The following SLC30A8 variants were observed in gnomAD, a reference collection of about 807,000 sequenced individuals.
SLC30A8 encodes the protein proton-coupled zinc antiporter SLC30A8.
In SLC30A8, 27 loss-of-function variants were observed where a neutral mutation model predicts 36.9. The observed-to-expected ratio is 0.73, with a 90% CI of 0.54 to 1.01. The LOEUF is 1.01. Ranked by LOEUF, SLC30A8 falls within the 50% of genes least tolerant of loss-of-function variation. The pLI, the probability that SLC30A8 is intolerant of heterozygous loss-of-function variation, is 0.00. For synonymous variants in SLC30A8, 164 were observed against 172.4 expected, an observed-to-expected ratio of 0.95 and a Z score of 0.38; for missense variants, 439 against 452.0, an observed-to-expected ratio of 0.97 and a Z score of 0.26.
chr8:117,105,024 T>G (rs1819920486), intron 2 of SLC30A8, among the ~76,000 whole-genome samples: 1 of 152,118 alleles, frequency 6.6e-6, no homozygotes, highest in Admixed American at 6.5e-5. Flanking sequence ...CAGAGGTCAC[T>G]TTTGTCACCA....
chr8:117,074,661 G>T (rs1818435168), intron 2 of SLC30A8, among the ~76,000 whole-genome samples: 1 of 152,090 alleles, frequency 6.6e-6, no homozygotes, highest in African/African-American at 2.4e-5. Flanking sequence ...GTAATTAAAG[G>T]CACATCAGTT....
At chr8:117,059,866 G>T (rs1817978564) in intron 2 of SLC30A8, among the ~76,000 whole-genome samples, 1 of 152,216 alleles carries the variant, frequency 6.6e-6, no homozygotes, top group Non-Finnish European at 1.5e-5. Flanking sequence ...GATTAGAGTG[G>T]GTGAAGACAG....
intron 1 of SLC30A8, among the ~76,000 whole-genome samples, chr8:116,975,637 T>C (rs1814970885): frequency 6.6e-6 from 1 of 152,256 alleles, no homozygotes. Context: ...GTGTTAACTG[T>C]TTCCTTCTGC....
intron 2 of SLC30A8, among the ~76,000 whole-genome samples, chr8:117,151,965 G>A (rs979705599): frequency 6.6e-6 from 1 of 152,164 alleles, no homozygotes; most frequent in African/African-American, 2.4e-5. Flanking sequence ...TATTAACTAC[G>A]GCTAGAGCCA....
At chr8:117,171,454 A>G (rs545879494) in intron 7 of SLC30A8, among the ~76,000 whole-genome samples, 83 of 152,248 alleles carry the variant, frequency 5.5e-4, no homozygotes, top group African/African-American at 1.7e-3. Context: ...TGAATATTCA[A>G]CTTCATCTGT....
chr8:116,989,553 TTTA>T (rs1815560538), intron 1 of SLC30A8, among the ~76,000 whole-genome samples: 1 of 152,188 alleles, frequency 6.6e-6, no homozygotes, highest in South Asian at 2.1e-4. Context: ...ATTATTATTG[TTTA>T]TTATTTACCT....
chr8:117,095,827 G>A (rs932287005), intron 2 of SLC30A8, among the ~76,000 whole-genome samples: 2 of 152,154 alleles, frequency 1.3e-5, no homozygotes, highest in Non-Finnish European at 2.9e-5. Flanking sequence ...AGGCACATAA[G>A]TTTTTTAACT....
chr8:117,018,844 A>G (rs568165429), intron 1 of SLC30A8, among the ~76,000 whole-genome samples: 34 of 152,064 alleles, frequency 2.2e-4, no homozygotes, highest in Non-Finnish European at 4.6e-4. Flanking sequence ...TATTTTTAGT[A>G]GAGATGCGGT....
intron 1 of SLC30A8, among the ~76,000 whole-genome samples, chr8:117,142,001 A>T (rs1233700739): frequency 6.6e-6 from 1 of 152,136 alleles, no homozygotes; most frequent in East Asian, 1.9e-4. Context: ...TCTTACAGTC[A>T]TATGACTAGT....
At chr8:117,062,789 C>T (rs1489213711) in intron 2 of SLC30A8, among the ~76,000 whole-genome samples, 1 of 152,160 alleles carries the variant, frequency 6.6e-6, no homozygotes, top group Non-Finnish European at 1.5e-5. Context: ...ATTCTGTCTT[C>T]CTCTCTCTTA....
intron 1 of SLC30A8, among the ~76,000 whole-genome samples, chr8:116,970,565 C>G (rs1563727924): frequency 1.3e-5 from 2 of 152,118 alleles, no homozygotes; most frequent in Non-Finnish European, 2.9e-5. Context: ...AACACATGAG[C>G]AATGTGTTGG....
chr8:116,963,102 C>A (rs1238133120), intron 1 of SLC30A8, among the ~76,000 whole-genome samples: 1 of 152,086 alleles, frequency 6.6e-6, no homozygotes, highest in Non-Finnish European at 1.5e-5. Flanking sequence ...AGGAAATCTT[C>A]AGGCTTGAAG....
At chr8:117,084,522 C>T (rs1431687948) in intron 2 of SLC30A8, among the ~76,000 whole-genome samples, 2 of 152,226 alleles carry the variant, frequency 1.3e-5, no homozygotes, top group South Asian at 4.1e-4. Context: ...CCTAATCTTC[C>T]TTGTACAGTC....
At chr8:117,131,190 T>A (rs1821123990), upstream of SLC30A8, among the ~76,000 whole-genome samples, 1 of 152,004 alleles carries the variant, frequency 6.6e-6, no homozygotes, top group South Asian at 2.1e-4. Context: ...AAATGGTTTG[T>A]GTTTTATACA....
chr8:117,093,892 G>A (rs1819245242), intron 2 of SLC30A8, among the ~76,000 whole-genome samples: 1 of 152,218 alleles, frequency 6.6e-6, no homozygotes, highest in African/African-American at 2.4e-5. Flanking sequence ...GTGAGCATGG[G>A]AGGGTCCAGC....
At chr8:117,107,682 T>G (rs2130871930) in intron 2 of SLC30A8, among the ~76,000 whole-genome samples, 1 of 152,230 alleles carries the variant, frequency 6.6e-6, no homozygotes, top group East Asian at 1.9e-4. Flanking sequence ...TCCATTGCTA[T>G]AAGAGAACCA....
At chr8:116,990,063 GCAAGC>G (rs1287143747) in intron 1 of SLC30A8, among the ~76,000 whole-genome samples, 1 of 152,154 alleles carries the variant, frequency 6.6e-6, no homozygotes, top group Non-Finnish European at 1.5e-5. Flanking sequence ...AGCAAGAACT[GCAAGC>G]CAGTTTCCAA....
chr8:117,116,026 A>C (rs559034601), intron 2 of SLC30A8, among the ~76,000 whole-genome samples: 2 of 152,114 alleles, frequency 1.3e-5, no homozygotes, highest in East Asian at 3.9e-4. Context: ...ATTTTTGTGG[A>C]GGGGAGAAGA....
chr8:117,045,449 G>A (rs1817521203), intron 2 of SLC30A8, among the ~76,000 whole-genome samples: 1 of 152,052 alleles, frequency 6.6e-6, no homozygotes, highest in African/African-American at 2.4e-5. Flanking sequence ...GTCAATTTTG[G>A]TTTCTGGAAA....
Sources: gnomAD v4.1 joint callset for allele counts (sites outside exome capture counted in the v4.1 genomes callset) on GRCh38, gnomAD v4.1.1 for gene constraint, MANE v1.5 for transcripts, NCBI Gene and HGNC (gene_info 2026-07-23, HGNC 2026-07-21) for gene names.